Variants in CTSB observed in about 807,000 individuals in gnomAD.
CTSB encodes the protein cathepsin B, also known as APP secretase.
CTSB carries 57 observed loss-of-function variants against 44.3 expected under a neutral mutation model. The observed-to-expected ratio is 1.29, with a 90% CI of 1.04 to 1.60. The LOEUF (loss-of-function observed/expected upper bound fraction) is 1.60, where lower values mean the gene tolerates loss of function less well. Among genes scored for constraint, CTSB ranks in the 40% most tolerant of loss-of-function variants. The pLI is 0.00. For synonymous variants in CTSB, 320 were observed against 168.0 expected (o/e 1.91, Z -7.00); for missense variants, 768 against 443.0 (o/e 1.73, Z -6.59).
chr8:11,855,117 G>T (rs547329219), intron 1 of CTSB, among the ~76,000 whole-genome samples: 1 of 152,244 alleles, frequency 6.6e-6, no homozygotes, highest in East Asian at 1.9e-4. Context: ...CTGCCTCCTG[G>T]GTTCAAGCTA....
chr8:11,847,566 G>A (rs750740304), intron 7 of CTSB, 113 bp downstream of exon 7: 43 of 1,201,658 alleles, frequency 3.6e-5, no homozygotes, highest in Middle Eastern at 2.9e-4. Context: ...CTCTATCCTA[G>A]AGTTCCGGGA....
chr8:11,861,392 C>T (rs912424467), intron 1 of CTSB: 6 of 152,444 alleles, frequency 3.9e-5, no homozygotes, highest in Non-Finnish European at 8.8e-5. Flanking sequence ...CAGGTCCTTC[C>T]CCGTGCTGCC....
chr8:11,846,076 C>T, intron 8 of CTSB: 1 of 244,172 alleles, frequency 4.1e-6, no homozygotes, highest in Non-Finnish European at 7.8e-6. Flanking sequence ...ATTGATAAAA[C>T]ATTTAATGCT....
intron 6 of CTSB, 80 bp downstream of exon 6, chr8:11,847,987 T>TA: frequency 7.1e-7 from 1 of 1,400,286 alleles, no homozygotes; most frequent in Non-Finnish European, 9.9e-7. Flanking sequence ...ACCCCCAGTT[T>TA]ATAAAGGCAA....
chr8:11,862,823 AG>A (rs1816627691), intron 1 of CTSB, among the ~76,000 whole-genome samples: 1 of 152,256 alleles, frequency 6.6e-6, no homozygotes, highest in Non-Finnish European at 1.5e-5. Context: ...CAGAATATCT[AG>A]ATGTCTTCTA....
intron 1 of CTSB, among the ~76,000 whole-genome samples, chr8:11,866,727 G>A (rs950921130): frequency 6.6e-6 from 1 of 152,202 alleles, no homozygotes; most frequent in Non-Finnish European, 1.5e-5. Context: ...GGGCGTGGTG[G>A]CGGGCACCTG....
intron 1 of CTSB, among the ~76,000 whole-genome samples, chr8:11,855,644 G>T (rs1815376964): frequency 6.6e-6 from 1 of 152,152 alleles, no homozygotes; most frequent in South Asian, 2.1e-4. Flanking sequence ...TATACTTTAG[G>T]CTTCGTTTCC....
In CTSB at chr8:11,849,166, T is replaced by C; in HGVS notation, c.328-2A>G. Reference sequence around the variant, plus strand: ...GATGGCTTCCACAGCCCCGAAGGCCTGCAGGAACGAGCCCCACCGGGTGAG... The same window carrying C: ...GATGGCTTCCACAGCCCCGAAGGCCCGCAGGAACGAGCCCCACCGGGTGAG... On this transcript the variant is annotated splice_acceptor_variant, in intron 4 of 9. Coordinates refer to ENST00000353047, the MANE Select transcript of CTSB (RefSeq NM_001908.5). LOFTEE classifies it high-confidence loss of function. 31 of 1,611,054 alleles carry C rather than the reference T, an allele frequency of 1.9e-5. No individual in the cohort carries two copies. Among genetic ancestry groups the C allele is most frequent in the Non-Finnish European group, 2.5e-5 (30 of 1,178,944 alleles).
chr8:11,861,967 G>T (rs924165370), intron 1 of CTSB, among the ~76,000 whole-genome samples: 8 of 152,142 alleles, frequency 5.3e-5, no homozygotes, highest in Non-Finnish European at 1.2e-4. Flanking sequence ...CAGTACTTTG[G>T]GAGGCTGAGG....
intron 6 of CTSB, 96 bp from the exon 7 acceptor site, chr8:11,847,918 C>G: frequency 1.4e-6 from 2 of 1,440,192 alleles, no homozygotes; most frequent in Admixed American, 2.2e-5. Context: ...GGACGCCAGG[C>G]AGGTCCTGCC....
intron 1 of CTSB, chr8:11,853,698 C>CAG: frequency 2.0e-6 from 1 of 488,026 alleles, no homozygotes; most frequent in South Asian, 3.0e-5. Flanking sequence ...GGCCAGAGCC[C>CAG]AGAGAGAGAG....
intron 1 of CTSB, among the ~76,000 whole-genome samples, chr8:11,864,169 G>C (rs528880460): frequency 3.9e-5 from 6 of 152,124 alleles, no homozygotes; most frequent in South Asian, 2.1e-4. Flanking sequence ...CACTGATGCA[G>C]AGTTTTAAAA....
intron 4 of CTSB, among the ~76,000 whole-genome samples, chr8:11,850,419 CAA>C (rs61067792): frequency 8.8e-3 from 474 of 53,726 alleles, no homozygotes; most frequent in African/African-American, 0.034. Flanking sequence ...ACTCCATCTC[CAA>C]AAAAAAAAAA....
chr8:11,858,742 C>T (rs1737803180), intron 1 of CTSB, among the ~76,000 whole-genome samples: 1 of 152,174 alleles, frequency 6.6e-6, no homozygotes, highest in African/African-American at 2.4e-5. Context: ...GTGCAACAGG[C>T]GCCTTTCTCT....
Position 11,849,107 on chromosome 8 carries a change from C to G in CTSB, c.385G>C (p.Val129Leu), listed in dbSNP as rs781379754. 4 of 1,613,474 alleles carry G rather than the reference C, an allele frequency of 2.5e-6. No homozygotes were observed. In the African/African-American group the frequency reaches 5.3e-5, roughly 22 times the overall value. The change falls in exon 5 of 10, where the codon GTC (valine) becomes CTC (leucine). Residue 129 changes from valine (V) to leucine (L), a missense_variant. Val to Leu is a conservative substitution (Grantham distance 32). Transcript: ENST00000353047. ...TCCTCCGCCGACACCTCCACGCTGA[C>G]GTGCGCATTGGTGTGGATGCAGATC... Reference protein sequence around the residue: ...DRICIHTNAHVSVEVSAEDLL... With the variant: ...DRICIHTNAHLSVEVSAEDLL...
chr8:11,845,937 C>T, intron 8 of CTSB, 148 bp from the exon 9 acceptor site: 1 of 838,252 alleles, frequency 1.2e-6, no homozygotes, highest in Admixed American at 3.6e-5. Context: ...CAGGGGGGGT[C>T]CCACAATACT....
chr8:11,862,452 GTCA>G (rs1231319929), intron 1 of CTSB: 3 of 152,232 alleles, frequency 2.0e-5, no homozygotes, highest in South Asian at 2.1e-4. Context: ...GCATCCCAGA[GTCA>G]TCATTTCTAT....
chr8:11,847,740 G>C lies in CTSB; in HGVS notation c.615C>G (p.Pro205=). ...CAGGCTCACAGATCTTGCTACACTT[G>C]GGGGTATCTCCCTCCCCCGTGCATG... The part of the protein sequence containing the change: ...RPPCTGEGDT[P]KCSKICEPGY... Residue 205 remains proline, a synonymous_variant, in exon 7 of 10, where the codon CCC becomes CCG. Transcript: ENST00000353047. 2 of 1,600,782 alleles carry C rather than the reference G, an allele frequency of 1.2e-6. No homozygotes were observed. Among genetic ancestry groups the C allele is most frequent in the Non-Finnish European group, 1.7e-6 (2 of 1,175,620 alleles).
In CTSB at chr8:11,848,099, A is replaced by C; in HGVS notation, c.500T>G (p.Leu167Arg). ...EAWNFWTRKG[L>R]VSGGLYESHV... ...GGATTCATAGAGGCCACCAGAAACC[A>C]GGCCTTTTCTTGTCCAGAAGTTCCA... Residue 167 changes from leucine (L) to arginine (R), a missense_variant, in exon 6 of 10, where the codon CTG becomes CGG. Transcript: ENST00000353047. The C allele has an allele frequency of 6.2e-7, 1 of 1,614,098 alleles. No homozygotes were observed. The highest frequency in any genetic ancestry group is 8.5e-7 in the Non-Finnish European group (1 of 1,179,968).
Sources: gnomAD v4.1 joint callset for allele counts (sites outside exome capture counted in the v4.1 genomes callset) on GRCh38, gnomAD v4.1.1 for gene constraint, MANE v1.5 for transcripts, NCBI Gene and HGNC (gene_info 2026-07-23, HGNC 2026-07-21) for gene names.